Variants in CPNE4 observed in about 807,000 individuals in gnomAD.
The protein encoded by CPNE4 is copine-4.
In CPNE4, 25 loss-of-function variants were observed where a neutral mutation model predicts 67.9. The ratio of observed to expected loss-of-function variants is 0.37; its 90% confidence interval spans 0.27 to 0.51. The LOEUF (loss-of-function observed/expected upper bound fraction) is 0.51, where lower values mean the gene tolerates loss of function less well. Among genes scored for constraint, CPNE4 ranks in the 20% least tolerant of loss-of-function variants. The pLI is 0.93. For synonymous variants in CPNE4, 242 were observed against 244.9 expected, an observed-to-expected ratio of 0.99 and a Z score of 0.11; for missense variants, 464 against 690.8, an observed-to-expected ratio of 0.67 and a Z score of 3.68.
At chr3:131,966,393 G>A (rs1240261368) in intron 1 of CPNE4, among the ~76,000 whole-genome samples, 16 of 152,022 alleles carry the variant, frequency 1.1e-4, no homozygotes, top group Non-Finnish European at 2.9e-5. Context: ...GAAGGAGATA[G>A]AGACACAAAA....
intron 2 of CPNE4, among the ~76,000 whole-genome samples, chr3:131,875,334 T>C (rs13062816): frequency 5.9e-5 from 9 of 152,222 alleles, no homozygotes; most frequent in African/African-American, 1.4e-4. Flanking sequence ...GGGTATATAC[T>C]CAAAGGATTA....
At chr3:131,654,366 C>T (rs187206398) in intron 7 of CPNE4, among the ~76,000 whole-genome samples, 61 of 151,996 alleles carry the variant, frequency 4.0e-4, no homozygotes, top group African/African-American at 1.4e-3. Flanking sequence ...AAGCCTAGTA[C>T]CAAATTTTTT....
At chr3:131,875,892 T>A (rs2087425051) in intron 2 of CPNE4, among the ~76,000 whole-genome samples, 2 of 152,302 alleles carry the variant, frequency 1.3e-5, no homozygotes, top group Admixed American at 1.3e-4. Context: ...AAGAAACCAA[T>A]TTGCCATTTG....
chr3:131,987,173 T>G (rs2073071227), intron 1 of CPNE4, among the ~76,000 whole-genome samples: 1 of 152,158 alleles, frequency 6.6e-6, no homozygotes, highest in African/African-American at 2.4e-5. Context: ...ATAGTGGTAT[T>G]TTGTAAGTTC....
rs1280648123 is a variant in CPNE4, at chr3:131,673,485, T to C, written c.592-3721A>G. Reference sequence around the variant, plus strand: ...CCCTGAACATGGACTATTTTTCCATTGTATTGTGTCCTCTTCAGTTTCTTT... The same window carrying C: ...CCCTGAACATGGACTATTTTTCCATCGTATTGTGTCCTCTTCAGTTTCTTT... On this transcript the variant is annotated intron_variant, in intron 6 of 15. Coordinates refer to ENST00000429747, the MANE Select transcript of CPNE4 (RefSeq NM_130808.3). Among the ~76,000 whole-genome samples the C allele has an allele frequency of 3.3e-5, 5 of 152,204 alleles. No homozygotes were observed. The East Asian group carries it at 5.8e-4, about 18-fold the overall frequency.
intron 2 of CPNE4, among the ~76,000 whole-genome samples, chr3:131,730,519 T>C (rs1334201288): frequency 6.6e-6 from 1 of 152,202 alleles, no homozygotes; most frequent in African/African-American, 2.4e-5. Context: ...ACCAGTATCT[T>C]AGAATGTGAC....
rs115245241 is a variant in CPNE4 at position 131,555,461 on chromosome 3, G to T, written c.1116+36C>A. 6,361 of 1,592,134 alleles carry T rather than the reference G, an allele frequency of 4.0e-3. 35 individuals carry two copies. Among genetic ancestry groups the T allele is most frequent in the Middle Eastern group, 0.026 (155 of 6,016 alleles). On this transcript the variant is annotated intron_variant, in intron 12 of 15. Transcript: ENST00000429747. The stretch of plus-strand genomic sequence containing the variant: ...AGAGCCAAGTTATCCTTTGACCACA[G>T]TGAAGTGGAAGAAGATCACATCTCC...
chr3:131,954,311 T>A (rs2071870328), intron 1 of CPNE4, among the ~76,000 whole-genome samples: 1 of 152,158 alleles, frequency 6.6e-6, no homozygotes, highest in East Asian at 1.9e-4. Flanking sequence ...AATGCTCAAG[T>A]TGAGAGAGAT....
At chr3:131,926,445 G>C (rs907587664) in intron 1 of CPNE4, among the ~76,000 whole-genome samples, 78 of 152,068 alleles carry the variant, frequency 5.1e-4, no homozygotes, top group Non-Finnish European at 1.0e-3. Flanking sequence ...TGAACAACAT[G>C]AAATACGAAA....
intron 9 of CPNE4, among the ~76,000 whole-genome samples, chr3:131,578,336 T>G (rs1345953704): frequency 6.6e-6 from 1 of 152,154 alleles, no homozygotes; most frequent in Admixed American, 6.6e-5. Context: ...ATGGTGAACT[T>G]AATTGATAAG....
At chr3:131,942,489 A>ATC (rs2071428407) in intron 1 of CPNE4, among the ~76,000 whole-genome samples, 1 of 147,536 alleles carries the variant, frequency 6.8e-6, no homozygotes, top group Non-Finnish European at 1.5e-5. Context: ...AGAGAGAGAG[A>ATC]GAGAGAGAGA....
intron 7 of CPNE4, among the ~76,000 whole-genome samples, chr3:131,631,471 A>G (rs897517107): frequency 6.6e-6 from 1 of 152,224 alleles, no homozygotes; most frequent in African/African-American, 2.4e-5. Context: ...AGACTTAATA[A>G]ACAATTCAAT....
chr3:131,960,540 T>C (rs1156280993), intron 1 of CPNE4, among the ~76,000 whole-genome samples: 1 of 152,184 alleles, frequency 6.6e-6, no homozygotes, highest in Non-Finnish European at 1.5e-5. Context: ...AATAATCATA[T>C]AGAGCCTGTT....
chr3:131,838,456 G>A (rs1031205319), intron 2 of CPNE4, among the ~76,000 whole-genome samples: 2 of 151,532 alleles, frequency 1.3e-5, no homozygotes, highest in South Asian at 2.1e-4. Flanking sequence ...AAATACACAG[G>A]TATGCAAAGC....
At chr3:132,031,539 T>C (rs1033458045) in intron 1 of CPNE4, among the ~76,000 whole-genome samples, 10 of 152,328 alleles carry the variant, frequency 6.6e-5, no homozygotes, top group Admixed American at 5.9e-4. Context: ...ACCTGTCTCA[T>C]TCTTTGTTCT....
chr3:131,855,458 A>T (rs1210492202), intron 2 of CPNE4, among the ~76,000 whole-genome samples: 3 of 151,974 alleles, frequency 2.0e-5, no homozygotes, highest in Non-Finnish European at 4.4e-5. Flanking sequence ...TAATTGTTCC[A>T]TCTTTCACAG....
chr3:131,908,471 C>T (rs1007113826), intron 1 of CPNE4, among the ~76,000 whole-genome samples: 1 of 151,998 alleles, frequency 6.6e-6, no homozygotes, highest in Admixed American at 6.6e-5. Flanking sequence ...TCAATATCTT[C>T]CTGAATTCCG....
intron 2 of CPNE4, among the ~76,000 whole-genome samples, chr3:131,792,754 TAC>T (rs781127455): frequency 7.9e-5 from 9 of 113,978 alleles, no homozygotes; most frequent in Admixed American, 1.8e-4. Context: ...TGTATATATA[TAC>T]ACACACTATA....
chr3:131,564,117 C>A, intron 11 of CPNE4, 99 bp downstream of exon 11: 1 of 1,386,316 alleles, frequency 7.2e-7, no homozygotes, highest in South Asian at 1.2e-5. Flanking sequence ...ACATAAGGAG[C>A]TACTAGACTT....
Sources: gnomAD v4.1 joint callset for allele counts (sites outside exome capture counted in the v4.1 genomes callset) on GRCh38, gnomAD v4.1.1 for gene constraint, MANE v1.5 for transcripts, NCBI Gene and HGNC (gene_info 2026-07-23, HGNC 2026-07-21) for gene names.